The following SPEN variants were observed in gnomAD, a reference collection of about 807,000 sequenced individuals.
SPEN encodes the protein msx2-interacting protein.
Under a neutral mutation model 269.9 loss-of-function variants are expected in SPEN, and 18 were observed. That is an observed-to-expected ratio of 0.07 (90% CI 0.05 to 0.10). The LOEUF is 0.10. SPEN is among the 10% of genes least tolerant of loss of function. The pLI, the probability that SPEN is intolerant of heterozygous loss-of-function variation, is 1.00. For synonymous variants in SPEN, 1,726 were observed against 1,765.7 expected, an observed-to-expected ratio of 0.98 and a Z score of 0.56; for missense variants, 3,822 against 4,631.2, an observed-to-expected ratio of 0.83 and a Z score of 5.07.
Position 15,934,433 on chromosome 1 carries a change from AGTG to A in SPEN, c.8194_8196del (p.Val2732del), listed in dbSNP as rs751321487. 5 of 1,613,932 alleles carry A rather than the reference AGTG, an allele frequency of 3.1e-6. No individual in the cohort carries two copies. The highest frequency in any genetic ancestry group is 4.2e-6 in the Non-Finnish European group (5 of 1,180,030). On this transcript the variant is annotated inframe_deletion, in exon 11 of 15. Coordinates refer to ENST00000375759, the MANE Select transcript of SPEN (RefSeq NM_015001.3). This position sits in a 1 kb window ranked among gnomAD's most constrained non-coding sequence, Gnocchi z 9.2. ...GCACAGTCAATGCCGCTGCGAGTGCAGTGAATGCCACAGCAAGTGCAGTGACCG... is the reference window on the plus strand; with the variant it reads ...GCACAGTCAATGCCGCTGCGAGTGCAAATGCCACAGCAAGTGCAGTGACCG...
At chr1:15,864,908 C>G (rs1490976010) in intron 1 of SPEN, among the ~76,000 whole-genome samples, 2 of 151,852 alleles carry the variant, frequency 1.3e-5, no homozygotes, top group African/African-American at 4.8e-5. Flanking sequence ...GCTTTGTTCC[C>G]CAGGTTGGTC....
chr1:15,892,827 G>A (rs1403913385), intron 3 of SPEN, among the ~76,000 whole-genome samples: 1 of 152,082 alleles, frequency 6.6e-6, no homozygotes, highest in Non-Finnish European at 1.5e-5. Flanking sequence ...GGCGGGGCAC[G>A]GTGGCTCACG....
rs1348522329 is a variant in SPEN, at chr1:15,937,131, C to A, written c.10027-32C>A. On this transcript the variant is annotated intron_variant, in intron 11 of 14. Transcript: ENST00000375759. This position sits in a 1 kb window ranked among gnomAD's most constrained non-coding sequence, Gnocchi z 5.7. ...CAGGGGCTTGTGCACAACAGACTGA[C>A]TCTGTCCCTTTGCCTTCCTTCCCTA... 4 of 1,593,476 alleles carry A rather than the reference C, an allele frequency of 2.5e-6. No homozygotes were observed. In the South Asian group the frequency reaches 3.4e-5, roughly 14 times the overall value.
intron 13 of SPEN, 152 bp from the exon 14 acceptor site, chr1:15,938,565 CT>C (rs200567875): frequency 0.099 from 23,507 of 238,574 alleles, 565 homozygotes; most frequent in African/African-American, 0.18. Flanking sequence ...TGAAAAAAAG[CT>C]TTTTTTTTTT....
chr1:15,887,307 G>T, intron 3 of SPEN, among the ~76,000 whole-genome samples: 1 of 115,478 alleles, frequency 8.7e-6, no homozygotes, highest in Non-Finnish European at 1.7e-5. Context: ...TTGAGACGGA[G>T]TCTTGCTCTG....
Position 15,932,547 on chromosome 1 carries a change from A to C in SPEN, c.6307A>C (p.Arg2103=), listed in dbSNP as rs1239878392. ...LKNVDAAVSP[R]GAAAQAGERE... The stretch of plus-strand genomic sequence containing the variant: ...AAATGTGGATGCTGCTGTCAGTCCC[A>C]GGGGGGCTGCAGCACAGGCAGGGGA... The change falls in exon 11 of 15, where the codon AGG becomes CGG. Residue 2103 remains arginine (R), a synonymous_variant. Transcript: ENST00000375759. This position sits in a 1 kb window ranked among gnomAD's most constrained non-coding sequence, Gnocchi z 4.2. The C allele has an allele frequency of 1.2e-5, 19 of 1,600,080 alleles. No homozygotes were observed. Among genetic ancestry groups the C allele is most frequent in the Non-Finnish European group, 1.5e-5 (18 of 1,171,546 alleles).
intron 1 of SPEN, 46 bp from the exon 2 acceptor site, chr1:15,872,770 G>C: frequency 6.9e-7 from 1 of 1,441,436 alleles, no homozygotes; most frequent in Non-Finnish European, 9.2e-7. Flanking sequence ...ACTCATTTTG[G>C]AAAATTATTG....
rs2071290449 is a variant in SPEN, at chr1:15,937,699, A to G, written c.10509+54A>G. The G allele has an allele frequency of 3.7e-6, 6 of 1,606,292 alleles. No individual in the cohort carries two copies. The highest frequency in any genetic ancestry group is 1.7e-5 in the Admixed American group (1 of 59,326). On this transcript the variant is annotated intron_variant, in intron 12 of 14. Coordinates refer to ENST00000375759, the MANE Select transcript of SPEN (RefSeq NM_015001.3). The surrounding 1 kb of genome is among the most constrained non-coding windows in gnomAD (Gnocchi z 5.7). ...GGCCCCCAAGTTTTATGCCATGTCA[A>G]ATGTCCTAAGATTCCCTAGTTAACA...
At chr1:15,857,628 A>G (rs983433609) in intron 1 of SPEN, among the ~76,000 whole-genome samples, 3 of 151,996 alleles carry the variant, frequency 2.0e-5, no homozygotes, top group Non-Finnish European at 2.9e-5. Flanking sequence ...AAGTGCTGGT[A>G]TTACAGGCGT....
At chr1:15,875,178 C>T (rs1351739505) in intron 2 of SPEN, among the ~76,000 whole-genome samples, 1 of 152,110 alleles carries the variant, frequency 6.6e-6, no homozygotes, top group African/African-American at 2.4e-5. Context: ...AGGATTATAA[C>T]TAGTTTTTAA....
intron 1 of SPEN, among the ~76,000 whole-genome samples, chr1:15,858,345 C>T (rs1039477045): frequency 6.6e-6 from 1 of 152,116 alleles, no homozygotes; most frequent in Non-Finnish European, 1.5e-5. Context: ...GCTCCATTAC[C>T]CTCTGTTGTC....
At chr1:15,920,665 A>G (rs2071109397) in intron 8 of SPEN, among the ~76,000 whole-genome samples, 1 of 152,156 alleles carries the variant, frequency 6.6e-6, no homozygotes, top group Non-Finnish European at 1.5e-5. Flanking sequence ...TCAAGCCATA[A>G]TGTCTATGAT....
chr1:15,902,393 G>C (rs375132054), intron 3 of SPEN, among the ~76,000 whole-genome samples: 1 of 152,156 alleles, frequency 6.6e-6, no homozygotes, highest in South Asian at 2.1e-4. Context: ...TCTCCTAAAA[G>C]GATTTTGGGT....
In SPEN at chr1:15,848,192, G is replaced by C. The variant is rs201094580; in HGVS notation, c.83+42G>C. ...CCGCGGCCGCGCTCGCTCCTCGGGC[G>C]CCGCTTCCCGCCCCGGCCCGTTGCC... On this transcript the variant is annotated intron_variant, in intron 1 of 14. Transcript: ENST00000375759. The surrounding 1 kb of genome is among the most constrained non-coding windows in gnomAD (Gnocchi z 5.1). 1.5e-6 allele frequency: 2 copies of C among 1,358,884 alleles called. No individual in the cohort carries two copies. The highest frequency in any genetic ancestry group is 3.0e-5 in the African/African-American group (2 of 65,990). 84.2% of individuals were successfully genotyped at this position (1,358,884 alleles called of 1,614,324 possible).
intron 1 of SPEN, among the ~76,000 whole-genome samples, chr1:15,868,729 C>T (rs1365580881): frequency 1.3e-5 from 2 of 152,178 alleles, no homozygotes; most frequent in East Asian, 3.9e-4. Flanking sequence ...CCACCGTGCC[C>T]AGCCAGAATT....
chr1:15,862,143 C>G (rs2070455246), intron 1 of SPEN, among the ~76,000 whole-genome samples: 1 of 152,194 alleles, frequency 6.6e-6, no homozygotes, highest in Non-Finnish European at 1.5e-5. Context: ...ATGATTTAGT[C>G]TCTTGGCTTC....
At chr1:15,861,224 C>T (rs1300704290) in intron 1 of SPEN, among the ~76,000 whole-genome samples, 2 of 150,446 alleles carry the variant, frequency 1.3e-5, no homozygotes, top group African/African-American at 2.5e-5. Context: ...TTCCACCTCC[C>T]GGGTTCAAGC....
chr1:15,924,011 C>T (rs2071143444), intron 10 of SPEN, among the ~76,000 whole-genome samples: 1 of 152,256 alleles, frequency 6.6e-6, no homozygotes, highest in African/African-American at 2.4e-5. Flanking sequence ...CGGCCAAATT[C>T]TCAAAAGCTC....
Position 15,930,906 on chromosome 1 carries a change from A to G in SPEN, c.4666A>G (p.Ile1556Val), listed in dbSNP as rs1268262056. 1.2e-6 allele frequency: 2 copies of G among 1,614,098 alleles called. No homozygotes were observed. The highest frequency in any genetic ancestry group is 2.2e-5 in the East Asian group (1 of 44,890). Reference sequence around the variant, plus strand: ...GAGAAAAGAGGAAGATTCTGACTTCATTTCTGGTAGGATCTATGGGAAGCA... The same window carrying G: ...GAGAAAAGAGGAAGATTCTGACTTCGTTTCTGGTAGGATCTATGGGAAGCA... ...LERKEEDSDF[I>V]SGRIYGKQTS... The change falls in exon 11 of 15, where the codon ATT becomes GTT. Residue 1556 changes from isoleucine (I) to valine (V), a missense_variant. By Grantham distance (29) the Ile-to-Val change is conservative (BLOSUM62 3). Around this residue, in one of 16 missense-constraint regions of SPEN, gnomAD observed 533 missense variants for 618.8 expected, o/e 0.86. Coordinates refer to ENST00000375759, the MANE Select transcript of SPEN (RefSeq NM_015001.3). This position sits in a 1 kb window ranked among gnomAD's most constrained non-coding sequence, Gnocchi z 5.3.
Sources: gnomAD v4.1 joint callset for allele counts (sites outside exome capture counted in the v4.1 genomes callset) on GRCh38, gnomAD v4.1.1 for gene constraint, gnomAD v4.1.1 regional missense constraint, Gnocchi (gnomAD v3.1) non-coding constraint, MANE v1.5 for transcripts, NCBI Gene and HGNC (gene_info 2026-07-23, HGNC 2026-07-21) for gene names.